The following PZP variants were observed in gnomAD, a reference collection of about 807,000 sequenced individuals.
PZP encodes PZP alpha-2-macroglobulin like, also known as pregnancy zone protein.
Under a neutral mutation model 179.8 loss-of-function variants are expected in PZP, and 150 were observed. That is an observed-to-expected ratio of 0.83 (90% CI 0.73 to 0.96). PZP has a LOEUF of 0.96. PZP is among the 40% of genes least tolerant of loss of function. The pLI is 0.00. For missense variants in PZP, 1,689 were observed against 1,764.0 expected (o/e 0.96, Z 0.76); for synonymous variants, 624 against 652.3 (o/e 0.96, Z 0.66).
chr12:9,191,483 G>A (rs1275082721), intron 13 of PZP, among the ~76,000 whole-genome samples: 1 of 151,624 alleles, frequency 6.6e-6, no homozygotes, highest in African/African-American at 2.4e-5. Flanking sequence ...TTTCAAAACT[G>A]AAAAATAAAA....
chr12:9,160,228 G>C (rs1941075695), intron 24 of PZP, 86 bp downstream of exon 24: 1 of 1,272,646 alleles, frequency 7.9e-7, no homozygotes, highest in South Asian at 1.4e-5. Flanking sequence ...TTATCATCAT[G>C]GGTTAATATT....
In PZP at chr12:9,163,749, G is replaced by A; in HGVS notation, c.2655C>T (p.Ser885=). 6.2e-7 allele frequency: 1 copy of A among 1,613,792 alleles called. No individual in the cohort carries two copies. The highest frequency in any genetic ancestry group is 1.3e-5 in the African/African-American group (1 of 74,976). Reference sequence around the variant, plus strand: ...CAACCTCATTTCCACAGAGTTCTAAGGACTGCATTGCCTCTGCACTCACTG... The same window carrying A: ...CAACCTCATTTCCACAGAGTTCTAAAGACTGCATTGCCTCTGCACTCACTG... ...NFSVSAEAMQ[S]LELCGNEVVE... Residue 885 remains serine (S), a synonymous_variant, in exon 21 of 36, where the codon TCC becomes TCT. Transcript: ENST00000261336.
At chr12:9,186,027 C>A (rs1013431722) in intron 13 of PZP, among the ~76,000 whole-genome samples, 1 of 151,840 alleles carries the variant, frequency 6.6e-6, no homozygotes, top group Admixed American at 6.6e-5. Context: ...AGGATGGTCT[C>A]GATCTCCTGA....
At chr12:9,145,899 C>G (rs1317368970), downstream of PZP, among the ~76,000 whole-genome samples, 1 of 152,196 alleles carries the variant, frequency 6.6e-6, no homozygotes, top group Non-Finnish European at 1.5e-5. Flanking sequence ...TGCTGAAAAA[C>G]CAGCTGATCA....
chr12:9,192,073 C>T (rs1592539750), intron 13 of PZP, 120 bp downstream of exon 13: 4 of 803,596 alleles, frequency 5.0e-6, no homozygotes, highest in East Asian at 5.1e-5. Context: ...GAGTATTTTC[C>T]TGCGTGTCCT....
chr12:9,158,612 T>G, intron 25 of PZP, 36 bp from the exon 26 acceptor site: 2 of 1,606,802 alleles, frequency 1.2e-6, no homozygotes, highest in Non-Finnish European at 1.7e-6. Flanking sequence ...GAGGCTCTTT[T>G]CATTGAGCAC....
chr12:9,158,651 T>TC, intron 25 of PZP, 75 bp from the exon 26 acceptor site: 2 of 1,460,672 alleles, frequency 1.4e-6, no homozygotes, highest in South Asian at 2.8e-5. Context: ...ACACACAGGC[T>TC]CCCCCATCAC....
intron 23 of PZP, 22 bp from the exon 24 acceptor site, chr12:9,160,512 A>G (rs1475763103): frequency 6.2e-7 from 1 of 1,600,488 alleles, no homozygotes; most frequent in East Asian, 2.2e-5. Context: ...GAAAGATTAG[A>G]TGTCAGAATA....
At chr12:9,200,779 A>C in intron 6 of PZP, 113 bp downstream of exon 6, 1 of 1,127,548 alleles carries the variant, frequency 8.9e-7, no homozygotes, top group Non-Finnish European at 1.3e-6. Context: ...TAGAAGCAGT[A>C]AGTCTGACTC....
In PZP at chr12:9,169,179, AAT is replaced by A. The variant is rs869102747; in HGVS notation, c.2002-207_2002-206del. Among the ~76,000 whole-genome samples the A allele has an allele frequency of 7.0e-3, 675 of 96,088 alleles. 8 individuals carry two copies. Among genetic ancestry groups the A allele is most frequent in the African/African-American group, 0.019 (631 of 33,566 alleles). The allele number at this position is 96,088 out of a possible 152,430, so 63.0% of individuals were successfully genotyped here. A position where few individuals can be genotyped will look rare whatever the true frequency, so the allele number is the denominator to read the frequency against. ...TTTATTCATTATTTTTTGGTTTGCAAATAAAAAAACCTAAATATAACTAAAAA... is the reference window on the plus strand; with the variant it reads ...TTTATTCATTATTTTTTGGTTTGCAAAAAAAAACCTAAATATAACTAAAAA... On this transcript the variant is annotated intron_variant, in intron 16 of 35. Coordinates refer to ENST00000261336, the MANE Select transcript of PZP (RefSeq NM_002864.3).
At chr12:9,141,127 G>T in the PZP span, among the ~76,000 whole-genome samples, 4 of 152,118 alleles carry the variant, frequency 2.6e-5, no homozygotes, top group Non-Finnish European at 4.4e-5. Context: ...TGTTACCTTT[G>T]TGGCATGCAA....
chr12:9,176,631 C>A (rs1942383587), intron 15 of PZP, among the ~76,000 whole-genome samples: 1 of 152,170 alleles, frequency 6.6e-6, no homozygotes, highest in East Asian at 1.9e-4. Context: ...ACCCACAGGG[C>A]AGGGCCAGAG....
At chr12:9,141,173 C>T in the PZP span, among the ~76,000 whole-genome samples, 11 of 152,166 alleles carry the variant, frequency 7.2e-5, no homozygotes, top group Non-Finnish European at 1.0e-4. Flanking sequence ...TTACTGATAA[C>T]GTACACTAAG....
chr12:9,195,992 A>G (rs1414745348), intron 10 of PZP, among the ~76,000 whole-genome samples: 1 of 152,136 alleles, frequency 6.6e-6, no homozygotes, highest in Non-Finnish European at 1.5e-5. Context: ...AAATGTTACA[A>G]ACTCTGAAAA....
rs199763506 is a variant in PZP at position 9,163,846 on chromosome 12, A to G, written c.2615-57T>C. 487 of 1,562,408 alleles carry G rather than the reference A, an allele frequency of 3.1e-4. 2 individuals carry two copies. Among genetic ancestry groups the G allele is most frequent in the Non-Finnish European group, 3.8e-4 (444 of 1,153,672 alleles). ...CCACTTTGATAGTCCAATCACCTTT[A>G]AGGGCTGCACCTTAAACTTATAGTT... On this transcript the variant is annotated intron_variant, in intron 20 of 35. Coordinates refer to ENST00000261336, the MANE Select transcript of PZP (RefSeq NM_002864.3).
chr12:9,155,326 G>C (rs2114852), intron 28 of PZP, among the ~76,000 whole-genome samples: 149,345 of 152,288 alleles, frequency 0.98, 73,310 homozygotes, highest in Middle Eastern at 1. Context: ...GAATCAGTCC[G>C]TTTTTGTTGT....
chr12:9,186,138 A>T (rs1292854852), intron 13 of PZP, among the ~76,000 whole-genome samples: 1 of 152,108 alleles, frequency 6.6e-6, no homozygotes, highest in African/African-American at 2.4e-5. Flanking sequence ...TCCAACCAAG[A>T]ATTTCATATC....
chr12:9,140,495 T>C, the PZP span, among the ~76,000 whole-genome samples: 1 of 152,202 alleles, frequency 6.6e-6, no homozygotes, highest in African/African-American at 2.4e-5. Context: ...TAACCGTTAT[T>C]AAAAAATAAA....
Position 9,157,197 on chromosome 12 carries a change from A to G in PZP, c.3528T>C (p.Leu1176=). The G allele has an allele frequency of 6.2e-7, 1 of 1,613,762 alleles. No homozygotes were observed. The highest frequency in any genetic ancestry group is 8.5e-7 in the Non-Finnish European group (1 of 1,179,764). ...CACCTTCTTTCACAGCTTCCTTATC[A>G]AGTGAGTTCAGTATTTCTCTATTCT... The part of the protein sequence containing the change: ...QNQNREILNS[L]DKEAVKEDNL... The change falls in exon 28 of 36, where the codon CTT becomes CTC. Residue 1176 remains leucine, a synonymous_variant. Coordinates refer to ENST00000261336, the MANE Select transcript of PZP (RefSeq NM_002864.3).
Sources: allele counts gnomAD v4.1 joint callset (sites outside exome capture counted in the v4.1 genomes callset), GRCh38; gene constraint gnomAD v4.1.1; transcripts MANE v1.5; gene names NCBI Gene and HGNC (gene_info 2026-07-23, HGNC 2026-07-21).